MEIS1: variants seen among roughly 807,000 people sequenced by gnomAD.
MEIS1 encodes the protein Meis homeobox 1, also known as homeobox protein Meis1.
A neutral mutation model predicts 50.8 loss-of-function variants in MEIS1; 5 were observed. The observed-to-expected ratio is 0.10, with a 90% CI of 0.05 to 0.21. The LOEUF (loss-of-function observed/expected upper bound fraction) is 0.21. Ranked by LOEUF, MEIS1 falls within the 10% of genes least tolerant of loss-of-function variation. MEIS1 has a pLI of 1.00. For synonymous variants in MEIS1, 176 were observed against 179.3 expected (o/e 0.98, Z 0.15); for missense variants, 318 against 517.3 (o/e 0.61, Z 3.74).
chr2:66,447,821 C>T (rs1430808379), intron 6 of MEIS1, among the ~76,000 whole-genome samples: 1 of 152,060 alleles, frequency 6.6e-6, no homozygotes, highest in East Asian at 1.9e-4. Context: ...TAGCTTCCCT[C>T]TCTCTCTGTC....
chr2:66,534,754 C>T (rs1256871904), intron 8 of MEIS1, among the ~76,000 whole-genome samples: 1 of 151,894 alleles, frequency 6.6e-6, no homozygotes, highest in African/African-American at 2.4e-5. Flanking sequence ...AGTGGAATGG[C>T]AAAGAAAAAC....
intron 7 of MEIS1, among the ~76,000 whole-genome samples, chr2:66,485,939 T>A (rs1673132391): frequency 1.3e-5 from 2 of 152,334 alleles, no homozygotes; most frequent in South Asian, 2.1e-4. Context: ...CACTTTTTCA[T>A]GGGATTGTGT....
intron 7 of MEIS1, among the ~76,000 whole-genome samples, chr2:66,494,827 T>C (rs1673358809): frequency 6.6e-6 from 1 of 152,136 alleles, no homozygotes; most frequent in Non-Finnish European, 1.5e-5. Context: ...AGTCACTTCA[T>C]GAAGAGTACC....
At chr2:66,462,109 G>A (rs12991286) in intron 6 of MEIS1, among the ~76,000 whole-genome samples, 3 of 152,228 alleles carry the variant, frequency 2.0e-5, no homozygotes, top group African/African-American at 7.2e-5. Context: ...CAGGTCTGTT[G>A]TAGCATAAAG....
At position 66,571,298 on chromosome 2, in the gene MEIS1, G is replaced by A. The variant is rs1336438649; in HGVS notation, c.*90G>A. On this transcript the variant is annotated 3_prime_UTR_variant, in exon 13 of 13. Coordinates refer to ENST00000272369, the MANE Select transcript of MEIS1 (RefSeq NM_002398.3). ...TAGCCCGGGGTGGTCCAATGGGTGTGAGTATGGGACAGCCAAGTTATACCC... is the reference window on the plus strand; with the variant it reads ...TAGCCCGGGGTGGTCCAATGGGTGTAAGTATGGGACAGCCAAGTTATACCC... 6.9e-6 allele frequency: 11 copies of A among 1,598,086 alleles called. No individual in the cohort carries two copies. Among genetic ancestry groups the A allele is most frequent in the Non-Finnish European group, 9.4e-6 (11 of 1,172,266 alleles).
intron 9 of MEIS1, among the ~76,000 whole-genome samples, chr2:66,557,316 A>G (rs1675091458): frequency 6.6e-6 from 1 of 152,128 alleles, no homozygotes. Flanking sequence ...CACCCATTTA[A>G]TTCAATGGTT....
At chr2:66,566,844 C>T (rs895903333) in intron 9 of MEIS1, among the ~76,000 whole-genome samples, 2 of 150,414 alleles carry the variant, frequency 1.3e-5, no homozygotes, top group African/African-American at 4.9e-5. Flanking sequence ...CAAAAAAAGC[C>T]ACCCCAAGAA....
At chr2:66,449,320 A>G (rs943484428) in intron 6 of MEIS1, among the ~76,000 whole-genome samples, 11 of 152,148 alleles carry the variant, frequency 7.2e-5, no homozygotes, top group African/African-American at 2.4e-4. Context: ...AGTTTTAATA[A>G]TAATTACAAA....
At chr2:66,480,546 G>A (rs984558881) in intron 7 of MEIS1, among the ~76,000 whole-genome samples, 3 of 152,168 alleles carry the variant, frequency 2.0e-5, no homozygotes, top group African/African-American at 7.2e-5. Flanking sequence ...ATTTAATAAT[G>A]CAGAATATAT....
At chr2:66,484,334 G>A (rs1218997048) in intron 7 of MEIS1, among the ~76,000 whole-genome samples, 1 of 152,062 alleles carries the variant, frequency 6.6e-6, no homozygotes, top group African/African-American at 2.4e-5. Flanking sequence ...GTACAGTGTT[G>A]TAGCATAGTT....
intron 8 of MEIS1, among the ~76,000 whole-genome samples, chr2:66,517,441 T>C (rs1673997442): frequency 6.6e-6 from 1 of 152,206 alleles, no homozygotes; most frequent in Non-Finnish European, 1.5e-5. Flanking sequence ...GATGTCCATG[T>C]ACCCTATCAA....
intron 6 of MEIS1, among the ~76,000 whole-genome samples, chr2:66,454,524 A>G (rs542949195): frequency 6.6e-6 from 1 of 152,022 alleles, no homozygotes; most frequent in Non-Finnish European, 1.5e-5. Flanking sequence ...CAAATACTTC[A>G]TGCTGAGGTC....
chr2:66,437,689 T>G, intron 1 of MEIS1, 48 bp from the exon 2 acceptor site: 1 of 1,578,220 alleles, frequency 6.3e-7, no homozygotes, highest in Non-Finnish European at 8.7e-7. Flanking sequence ...TTCTCCCATT[T>G]GCCCGCCTGG....
intron 6 of MEIS1, among the ~76,000 whole-genome samples, chr2:66,451,614 A>G (rs189722205): frequency 1.6e-3 from 237 of 152,196 alleles, no homozygotes; most frequent in African/African-American, 5.6e-3. Flanking sequence ...ACTTAATTTG[A>G]TAGACAAGAT....
At chr2:66,514,155 G>A (rs538683024) in intron 8 of MEIS1, among the ~76,000 whole-genome samples, 1 of 152,148 alleles carries the variant, frequency 6.6e-6, no homozygotes, top group Non-Finnish European at 1.5e-5. Flanking sequence ...ATCTCAATCT[G>A]CAAAGGAGTT....
intron 2 of MEIS1, among the ~76,000 whole-genome samples, chr2:66,438,267 G>A (rs1290518151): frequency 6.6e-6 from 1 of 152,224 alleles, no homozygotes; most frequent in Non-Finnish European, 1.5e-5. Flanking sequence ...GCGGGCTGGA[G>A]TCCTCCCTCG....
intron 7 of MEIS1, among the ~76,000 whole-genome samples, chr2:66,487,026 CAT>C (rs934154627): frequency 1.3e-5 from 2 of 152,164 alleles, no homozygotes; most frequent in African/African-American, 4.8e-5. Flanking sequence ...AATATACAAT[CAT>C]GTCATCTGCA....
chr2:66,509,603 C>G (rs1441897773), intron 7 of MEIS1, among the ~76,000 whole-genome samples: 3 of 152,182 alleles, frequency 2.0e-5, no homozygotes, highest in Non-Finnish European at 4.4e-5. Flanking sequence ...AAAGGTTTCT[C>G]CATTGTATCT....
chr2:66,492,322 C>T (rs907884135), intron 7 of MEIS1, among the ~76,000 whole-genome samples: 1 of 151,990 alleles, frequency 6.6e-6, no homozygotes, highest in Non-Finnish European at 1.5e-5. Context: ...TAGAATGTGC[C>T]TGCAGATTGT....
Sources: gnomAD v4.1 joint callset for allele counts (sites outside exome capture counted in the v4.1 genomes callset) on GRCh38, gnomAD v4.1.1 for gene constraint, MANE v1.5 for transcripts, NCBI Gene and HGNC (gene_info 2026-07-23, HGNC 2026-07-21) for gene names.